Variants in SESTD1 observed in about 807,000 individuals in gnomAD.
SESTD1 encodes SEC14 domain and spectrin repeat-containing protein 1.
In SESTD1, 43 loss-of-function variants were observed where a neutral mutation model predicts 101.7. The observed-to-expected ratio is 0.42, with a 90% CI of 0.33 to 0.55. The LOEUF is 0.55. Ranked by LOEUF, SESTD1 falls within the 20% of genes least tolerant of loss-of-function variation. SESTD1 has a pLI of 0.07. For missense variants in SESTD1, 647 were observed against 815.1 expected, an observed-to-expected ratio of 0.79 and a Z score of 2.51; for synonymous variants, 283 against 286.8, an observed-to-expected ratio of 0.99 and a Z score of 0.13.
intron 1 of SESTD1, among the ~76,000 whole-genome samples, chr2:179,260,270 G>C (rs557594855): frequency 4.0e-4 from 61 of 152,290 alleles, no homozygotes; most frequent in Non-Finnish European, 7.2e-4. Flanking sequence ...AATGGCTCAT[G>C]TTAAGAAGGC....
At chr2:179,262,069 A>T (rs1293693865) in intron 1 of SESTD1, among the ~76,000 whole-genome samples, 1 of 152,228 alleles carries the variant, frequency 6.6e-6, no homozygotes, top group African/African-American at 2.4e-5. Flanking sequence ...ACATGGTATA[A>T]TATGAATAAA....
At chr2:179,253,768 T>C (rs964494633) in intron 1 of SESTD1, among the ~76,000 whole-genome samples, 17 of 152,070 alleles carry the variant, frequency 1.1e-4, no homozygotes, top group Non-Finnish European at 1.8e-4. Context: ...TGAGTAGGAA[T>C]GAAAGGAAGA....
chr2:179,204,449 C>T (rs2046565157), intron 1 of SESTD1, among the ~76,000 whole-genome samples: 1 of 134,426 alleles, frequency 7.4e-6, no homozygotes, highest in Non-Finnish European at 1.6e-5. Context: ...TATAGCTTAA[C>T]AACGTAGAGC....
chr2:179,251,239 T>C (rs10194534), intron 1 of SESTD1, among the ~76,000 whole-genome samples: 40,323 of 152,114 alleles, frequency 0.27, 5,545 homozygotes, highest in South Asian at 0.43. Context: ...TGGAGAATAA[T>C]GGCTGCCAGG....
intron 1 of SESTD1, among the ~76,000 whole-genome samples, chr2:179,201,821 C>T (rs537006252): frequency 7.7e-6 from 1 of 129,784 alleles, no homozygotes; most frequent in African/African-American, 3.1e-5. Context: ...ATACCTAATG[C>T]TAGATGATGA....
chr2:179,124,464 T>C lies in SESTD1; in HGVS notation c.1067A>G (p.Gln356Arg), dbSNP rs138811961. 15 of 1,614,152 alleles carry C rather than the reference T, an allele frequency of 9.3e-6. No individual in the cohort carries two copies. Among genetic ancestry groups the C allele is most frequent in the Non-Finnish European group, 1.0e-5 (12 of 1,179,992 alleles). Residue 356 changes from glutamine (Q) to arginine (R), a missense_variant, in exon 11 of 18, where the codon CAG becomes CGG. By Grantham distance (43) the Gln-to-Arg change is conservative. Coordinates refer to ENST00000428443, the MANE Select transcript of SESTD1 (RefSeq NM_178123.5). ...ATAACAAACATCACTAAGTTGTTGCTGCAGTGACTTTAGTTCCACAAGATC... is the reference window on the plus strand; with the variant it reads ...ATAACAAACATCACTAAGTTGTTGCCGCAGTGACTTTAGTTCCACAAGATC... ...EEDLVELKSL[Q>R]QQLSDVCYRQ...
At chr2:179,135,050 T>C (rs1266543672) in intron 9 of SESTD1, among the ~76,000 whole-genome samples, 3 of 152,130 alleles carry the variant, frequency 2.0e-5, no homozygotes, top group Non-Finnish European at 4.4e-5. Flanking sequence ...GTTCAAGCGA[T>C]TCTCCTGTCT....
intron 1 of SESTD1, among the ~76,000 whole-genome samples, chr2:179,248,607 C>T (rs950597313): frequency 6.6e-6 from 1 of 151,338 alleles, no homozygotes; most frequent in Non-Finnish European, 1.5e-5. Flanking sequence ...AAGGAGGTAA[C>T]AATCACATAA....
intron 5 of SESTD1, among the ~76,000 whole-genome samples, chr2:179,155,657 A>G (rs913030053): frequency 1.3e-5 from 2 of 152,004 alleles, no homozygotes; most frequent in Non-Finnish European, 2.9e-5. Context: ...TTGCTCTTCA[A>G]TTGCATCTTA....
chr2:179,184,074 C>T (rs1352689226), intron 2 of SESTD1, among the ~76,000 whole-genome samples: 1 of 152,052 alleles, frequency 6.6e-6, no homozygotes, highest in African/African-American at 2.4e-5. Flanking sequence ...TACATGGGAA[C>T]TGGATATTGA....
At chr2:179,116,455 G>C (rs1247481789) in intron 15 of SESTD1, 4 of 639,832 alleles carry the variant, frequency 6.3e-6, no homozygotes, top group African/African-American at 3.6e-5. Context: ...AAATCAGAGG[G>C]ACCATGCAGA....
At chr2:179,235,760 C>A (rs1480175106) in intron 1 of SESTD1, among the ~76,000 whole-genome samples, 1 of 152,172 alleles carries the variant, frequency 6.6e-6, no homozygotes, top group East Asian at 1.9e-4. Flanking sequence ...ACAGCCAATT[C>A]TTTTACAAGA....
chr2:179,113,233 G>C (rs2044551804), intron 16 of SESTD1, among the ~76,000 whole-genome samples: 1 of 152,114 alleles, frequency 6.6e-6, no homozygotes, highest in African/African-American at 2.4e-5. Context: ...TTATGTAGCA[G>C]TCTGGAAGGT....
intron 5 of SESTD1, among the ~76,000 whole-genome samples, chr2:179,156,593 T>G (rs1289239875): frequency 1.3e-5 from 2 of 152,234 alleles, no homozygotes; most frequent in Non-Finnish European, 2.9e-5. Flanking sequence ...GAGCATTTTT[T>G]CATATGTTTG....
At chr2:179,196,953 A>G (rs1290031845) in intron 1 of SESTD1, among the ~76,000 whole-genome samples, 1 of 152,242 alleles carries the variant, frequency 6.6e-6, no homozygotes, top group African/African-American at 2.4e-5. Flanking sequence ...ACAAAGCTGG[A>G]CGGAGAATGA....
chr2:179,261,599 A>G (rs183123538), intron 1 of SESTD1, among the ~76,000 whole-genome samples: 1 of 152,334 alleles, frequency 6.6e-6, no homozygotes, highest in Non-Finnish European at 1.5e-5. Context: ...ATCACTTCAC[A>G]GCCACTAGGA....
intron 1 of SESTD1, among the ~76,000 whole-genome samples, chr2:179,257,179 GT>G (rs2047409370): frequency 2.0e-5 from 3 of 151,474 alleles, no homozygotes; most frequent in Non-Finnish European, 4.4e-5. Context: ...GAATGAGGGA[GT>G]CTATCTTGAA....
intron 6 of SESTD1, among the ~76,000 whole-genome samples, chr2:179,150,094 A>G (rs981344005): frequency 6.6e-6 from 1 of 152,114 alleles, no homozygotes; most frequent in Non-Finnish European, 1.5e-5. Flanking sequence ...GCATGGTGGC[A>G]TGCACTTGCA....
chr2:179,185,682 T>TATATATAATATACA (rs1559134219), intron 2 of SESTD1, among the ~76,000 whole-genome samples: 1 of 107,842 alleles, frequency 9.3e-6, no homozygotes, highest in South Asian at 2.7e-4. Flanking sequence ...TATAGCATAT[T>TATATATAATATACA]ATATATAATA....
Sources: gnomAD v4.1 joint callset for allele counts (sites outside exome capture counted in the v4.1 genomes callset) on GRCh38, gnomAD v4.1.1 for gene constraint, MANE v1.5 for transcripts, NCBI Gene and HGNC (gene_info 2026-07-23, HGNC 2026-07-21) for gene names.